The following OSBPL1A variants were observed in gnomAD, a reference collection of about 807,000 sequenced individuals.
The protein encoded by OSBPL1A is oxysterol binding protein like 1A.
A neutral mutation model predicts 137.1 loss-of-function variants in OSBPL1A; 80 were observed. That is an observed-to-expected ratio of 0.58 (90% CI 0.49 to 0.70). OSBPL1A has a LOEUF of 0.70. OSBPL1A is among the 30% of genes least tolerant of loss of function. The pLI, the probability that OSBPL1A is intolerant of heterozygous loss-of-function variation, is 0.00. For synonymous variants in OSBPL1A, 365 were observed against 389.7 expected (o/e 0.94, Z 0.75); for missense variants, 970 against 1,129.4 (o/e 0.86, Z 2.02).
intron 17 of OSBPL1A, among the ~76,000 whole-genome samples, chr18:24,208,210 TAAAATTATGTTAGAG>T (rs377128818): frequency 0.013 from 2,049 of 152,316 alleles, 39 homozygotes; most frequent in African/African-American, 0.045. Flanking sequence ...AATTAGATTT[TAAAATTATGTTAGAG>T]AGTAAATTAC....
At chr18:24,242,586 T>C (rs531925860) in intron 15 of OSBPL1A, among the ~76,000 whole-genome samples, 1 of 152,300 alleles carries the variant, frequency 6.6e-6, no homozygotes, top group Admixed American at 6.5e-5. Context: ...GCACATCAGG[T>C]ACAACACTCT....
intron 1 of OSBPL1A, among the ~76,000 whole-genome samples, chr18:24,396,532 A>C (rs1907754898): frequency 6.6e-6 from 1 of 152,210 alleles, no homozygotes; most frequent in Admixed American, 6.5e-5. Context: ...AGAATAGTTA[A>C]ATTTTAAGAA....
chr18:24,223,555 T>C (rs543742171), intron 17 of OSBPL1A, among the ~76,000 whole-genome samples: 7 of 152,280 alleles, frequency 4.6e-5, no homozygotes, highest in African/African-American at 1.7e-4. Context: ...CTGTCCTGAC[T>C]GCATTTGTTT....
At chr18:24,225,963 C>G (rs1156622117) in intron 16 of OSBPL1A, among the ~76,000 whole-genome samples, 1 of 152,134 alleles carries the variant, frequency 6.6e-6, no homozygotes, top group Non-Finnish European at 1.5e-5. Flanking sequence ...GAGTGAGACC[C>G]TGTCTCTATA....
intron 15 of OSBPL1A, among the ~76,000 whole-genome samples, chr18:24,268,626 T>C (rs1184845791): frequency 6.6e-6 from 1 of 152,126 alleles, no homozygotes; most frequent in African/African-American, 2.4e-5. Context: ...TTCTTACCTG[T>C]CCTCTGGGCA....
intron 15 of OSBPL1A, 25 bp from the exon 16 acceptor site, chr18:24,239,407 A>G: frequency 6.2e-7 from 1 of 1,604,138 alleles, no homozygotes; most frequent in Non-Finnish European, 8.5e-7. Flanking sequence ...ATATACAGAA[A>G]AGACTTCAGA....
chr18:24,388,570 C>T (rs1423827400), intron 1 of OSBPL1A, among the ~76,000 whole-genome samples: 1 of 151,972 alleles, frequency 6.6e-6, no homozygotes, highest in African/African-American at 2.4e-5. Context: ...GAGGCCAAGG[C>T]GGGCGGATCA....
At chr18:24,391,550 C>G (rs1962926502) in intron 1 of OSBPL1A, among the ~76,000 whole-genome samples, 1 of 140,900 alleles carries the variant, frequency 7.1e-6, no homozygotes, top group Non-Finnish European at 1.5e-5. Flanking sequence ...CAGCAAGACC[C>G]CAGTCTCTAC....
intron 14 of OSBPL1A, among the ~76,000 whole-genome samples, chr18:24,292,632 G>GA (rs1275825710): frequency 5.9e-5 from 9 of 152,118 alleles, no homozygotes; most frequent in African/African-American, 2.2e-4. Context: ...TCCCTGCCCT[G>GA]AAGTTTATAC....
intron 17 of OSBPL1A, among the ~76,000 whole-genome samples, chr18:24,220,619 G>A (rs1006512223): frequency 6.6e-6 from 1 of 152,098 alleles, no homozygotes; most frequent in Non-Finnish European, 1.5e-5. Flanking sequence ...AATCAAAGGT[G>A]TAGCTTAAGT....
chr18:24,262,491 C>T (rs1050676687), intron 15 of OSBPL1A, among the ~76,000 whole-genome samples: 2 of 151,888 alleles, frequency 1.3e-5, no homozygotes, highest in African/African-American at 4.8e-5. Context: ...AGAAGTTATT[C>T]AGGGGCTCTG....
At chr18:24,273,965 G>A (rs970893333) in intron 15 of OSBPL1A, among the ~76,000 whole-genome samples, 2 of 152,152 alleles carry the variant, frequency 1.3e-5, no homozygotes, top group Non-Finnish European at 2.9e-5. Context: ...CGGGCACGGT[G>A]GCTCACACCT....
In OSBPL1A at chr18:24,377,485, T is replaced by C. The variant is rs781272207; in HGVS notation, c.49A>G (p.Asn17Asp). The C allele has an allele frequency of 1.9e-6, 3 of 1,612,314 alleles. No individual in the cohort carries two copies. In the South Asian group the frequency reaches 3.3e-5, roughly 18 times the overall value. Residue 17 changes from asparagine to aspartate, a missense_variant, in exon 2 of 28, where the codon AAT becomes GAT. Asn to Asp is a conservative substitution (Grantham distance 23). This residue lies in a region of OSBPL1A where 647 missense variants were observed against 672.6 expected (regional missense o/e 0.96). Transcript: ENST00000319481. ...QQLLHHARNG[N>D]AEEVRQLLET... The stretch of plus-strand genomic sequence containing the variant: ...AATAGTTGTCTTACTTCTTCAGCAT[T>C]GCCATTTCTGGCGTGATGGAGAAGC...
chr18:24,241,498 G>A (rs1041966066), intron 15 of OSBPL1A, among the ~76,000 whole-genome samples: 13 of 152,232 alleles, frequency 8.5e-5, no homozygotes, highest in East Asian at 1.9e-4. Context: ...AAAAGAAGGC[G>A]TTTATGCAGC....
At chr18:24,192,205 G>C (rs552692928) in intron 18 of OSBPL1A, among the ~76,000 whole-genome samples, 1 of 152,278 alleles carries the variant, frequency 6.6e-6, no homozygotes, top group East Asian at 1.9e-4. Context: ...GGTTGCCTAA[G>C]TCACTGAGCA....
At chr18:24,332,385 CAAAAAAAAAAAAAAA>C (rs71163675) in intron 7 of OSBPL1A, among the ~76,000 whole-genome samples, 20,035 of 53,604 alleles carry the variant, frequency 0.37, 2,170 homozygotes, top group Middle Eastern at 0.53. Flanking sequence ...GACTCTGTCT[CAAAAAAAAAAAAAAA>C]AAAAAAAAAA....
intron 27 of OSBPL1A, among the ~76,000 whole-genome samples, chr18:24,164,460 G>A (rs1290459544): frequency 8.9e-6 from 1 of 112,340 alleles, no homozygotes; most frequent in African/African-American, 3.7e-5. Context: ...ACGGAGTCTC[G>A]CTCTGTCGCC....
chr18:24,212,968 T>C (rs1488854606), intron 17 of OSBPL1A, among the ~76,000 whole-genome samples: 2 of 152,248 alleles, frequency 1.3e-5, no homozygotes, highest in Non-Finnish European at 1.5e-5. Flanking sequence ...TAATGTACCC[T>C]GTACCTAGTT....
At chr18:24,225,983 A>G (rs1007131272) in intron 16 of OSBPL1A, among the ~76,000 whole-genome samples, 7 of 152,204 alleles carry the variant, frequency 4.6e-5, no homozygotes, top group African/African-American at 1.7e-4. Context: ...ACAAAAATAA[A>G]TAAAATACTT....
Sources: allele counts gnomAD v4.1 joint callset (sites outside exome capture counted in the v4.1 genomes callset), GRCh38; gene constraint gnomAD v4.1.1; regional missense constraint gnomAD v4.1.1; transcripts MANE v1.5; gene names NCBI Gene and HGNC (gene_info 2026-07-23, HGNC 2026-07-21).